The following SLIT2 variants were observed in gnomAD, a reference collection of about 807,000 sequenced individuals.
The protein encoded by SLIT2 is slit guidance ligand 2.
In SLIT2, 41 loss-of-function variants were observed where a neutral mutation model predicts 185.7. The observed-to-expected ratio is 0.22, with a 90% CI of 0.17 to 0.29. The LOEUF (loss-of-function observed/expected upper bound fraction) is 0.29, where lower values mean the gene tolerates loss of function less well. Ranked by LOEUF, SLIT2 falls within the 10% of genes least tolerant of loss-of-function variation. SLIT2 has a pLI of 1.00. For synonymous variants in SLIT2, 693 were observed against 680.2 expected, an observed-to-expected ratio of 1.02 and a Z score of -0.29; for missense variants, 1,571 against 1,909.0, an observed-to-expected ratio of 0.82 and a Z score of 3.30.
intron 4 of SLIT2, among the ~76,000 whole-genome samples, chr4:20,288,318 T>A (rs1577373226): frequency 6.6e-6 from 1 of 152,198 alleles, no homozygotes; most frequent in African/African-American, 2.4e-5. Context: ...CTTACCTCAT[T>A]GGCTTGTTGT....
intron 4 of SLIT2, among the ~76,000 whole-genome samples, chr4:20,455,826 T>C (rs1372993479): frequency 6.6e-6 from 1 of 152,146 alleles, no homozygotes; most frequent in Non-Finnish European, 1.5e-5. Flanking sequence ...GATAAAGTCA[T>C]TTGCAATATT....
chr4:20,439,791 T>C (rs1577661916), intron 4 of SLIT2, among the ~76,000 whole-genome samples: 1 of 152,284 alleles, frequency 6.6e-6, no homozygotes, highest in East Asian at 1.9e-4. Context: ...AAAGATTTAG[T>C]AATATGTATT....
chr4:20,358,615 A>G (rs1294548387), intron 4 of SLIT2, among the ~76,000 whole-genome samples: 1 of 152,152 alleles, frequency 6.6e-6, no homozygotes, highest in Admixed American at 6.6e-5. Flanking sequence ...ACTTAATCCG[A>G]GGAACCACCC....
At position 20,528,605 on chromosome 4, in the gene SLIT2, A is replaced by G. The variant is rs541791466; in HGVS notation, c.1463-344A>G. On this transcript the variant is annotated intron_variant, in intron 15 of 36. Transcript: ENST00000504154. The surrounding 1 kb of genome is among the most constrained non-coding windows in gnomAD (Gnocchi z 4.2). ...ATGTTTATTACTGGATATATTTTCA[A>G]TTCTTGACTCCGAGAAAAAAAATAA... 1.2e-4 allele frequency among the ~76,000 whole-genome samples: 18 copies of G among 152,304 alleles called. No individual in the cohort carries two copies. The South Asian group carries it at 3.5e-3, about 30-fold the overall frequency.
At chr4:20,421,623 G>A (rs1175367362) in intron 4 of SLIT2, among the ~76,000 whole-genome samples, 5 of 151,938 alleles carry the variant, frequency 3.3e-5, no homozygotes, top group African/African-American at 7.3e-5. Context: ...TGGAAGTATC[G>A]ATATTCCCTT....
At chr4:20,256,469 AT>A (rs1395584511) in intron 1 of SLIT2, among the ~76,000 whole-genome samples, 1 of 152,236 alleles carries the variant, frequency 6.6e-6, no homozygotes, top group Non-Finnish European at 1.5e-5. Flanking sequence ...TTCTTGTCAT[AT>A]GCCAGCAAGA....
At chr4:20,490,961 C>A in intron 8 of SLIT2, 2 of 626,266 alleles carry the variant, frequency 3.2e-6, no homozygotes, top group South Asian at 1.9e-5. Context: ...AAAGGGCAGT[C>A]CCCACTGTCT....
rs531423514 is a variant in SLIT2 at position 20,269,143 on chromosome 4, G to T, written c.395+262G>T. On this transcript the variant is annotated intron_variant, in intron 4 of 36. Transcript: ENST00000504154. ...TTTTTTGGTAACGTGATGATGGCGA[G>T]ATTTACCTACCTTTTAATGGAAATG... Among the ~76,000 whole-genome samples the T allele has an allele frequency of 2.0e-5, 3 of 151,870 alleles. No homozygotes were observed. In the East Asian group the frequency reaches 5.8e-4, roughly 29 times the overall value.
chr4:20,440,478 G>T (rs1193784365), intron 4 of SLIT2, among the ~76,000 whole-genome samples: 1 of 152,110 alleles, frequency 6.6e-6, no homozygotes, highest in Non-Finnish European at 1.5e-5. Flanking sequence ...GACTGCTGCA[G>T]GTCTGTAAAT....
chr4:20,420,496 T>C (rs992648540), intron 4 of SLIT2, among the ~76,000 whole-genome samples: 2 of 152,168 alleles, frequency 1.3e-5, no homozygotes, highest in African/African-American at 4.8e-5. Flanking sequence ...TTTTATTTAT[T>C]TAACCAATAT....
intron 4 of SLIT2, 91 bp from the exon 5 acceptor site, chr4:20,467,661 C>T: frequency 3.0e-6 from 2 of 677,914 alleles, no homozygotes; most frequent in South Asian, 2.3e-5. Flanking sequence ...TTTTTTCTTT[C>T]TGGTGTCCTA....
intron 4 of SLIT2, among the ~76,000 whole-genome samples, chr4:20,423,681 A>G (rs2109473108): frequency 6.6e-6 from 1 of 152,262 alleles, no homozygotes; most frequent in Admixed American, 6.5e-5. Flanking sequence ...TAAGGGTCAG[A>G]CAGTAAACAT....
At chr4:20,304,885 A>G (rs1384445231) in intron 4 of SLIT2, among the ~76,000 whole-genome samples, 2 of 152,224 alleles carry the variant, frequency 1.3e-5, no homozygotes, top group Non-Finnish European at 2.9e-5. Flanking sequence ...GTCTGTTAAC[A>G]TAGCAAAGTA....
intron 29 of SLIT2, among the ~76,000 whole-genome samples, chr4:20,578,180 T>C (rs1726228777): frequency 6.6e-6 from 1 of 152,206 alleles, no homozygotes; most frequent in Non-Finnish European, 1.5e-5. Context: ...AAGTGCTATC[T>C]TTCCTATTTT....
intron 29 of SLIT2, among the ~76,000 whole-genome samples, chr4:20,585,747 C>T (rs1727004637): frequency 6.6e-6 from 1 of 152,168 alleles, no homozygotes; most frequent in Admixed American, 6.5e-5. Context: ...TTTATCATCT[C>T]TGAAAGGGAG....
chr4:20,399,705 C>T lies in SLIT2; in HGVS notation c.396-68047C>T, dbSNP rs182660703. On this transcript the variant is annotated intron_variant, in intron 4 of 36. Coordinates refer to ENST00000504154, the MANE Select transcript of SLIT2 (RefSeq NM_004787.4). ...TCTGGTAGGTAAGAGTTATATCAAACAATTAATTGCTACAAGGAAAAAGTT... is the reference window on the plus strand; with the variant it reads ...TCTGGTAGGTAAGAGTTATATCAAATAATTAATTGCTACAAGGAAAAAGTT... Among the ~76,000 whole-genome samples, 31 of 151,824 alleles carry T rather than the reference C, an allele frequency of 2.0e-4. 1 individual carries two copies. Among genetic ancestry groups the T allele is most frequent in the Admixed American group, 1.8e-3 (27 of 15,184 alleles).
intron 29 of SLIT2, among the ~76,000 whole-genome samples, chr4:20,579,192 C>G (rs1285593665): frequency 1.3e-5 from 2 of 151,294 alleles, no homozygotes; most frequent in Non-Finnish European, 1.5e-5. Context: ...CCCAGCTACT[C>G]AGGAGGCTGA....
chr4:20,277,921 G>A (rs1241941348), intron 4 of SLIT2, among the ~76,000 whole-genome samples: 4 of 151,750 alleles, frequency 2.6e-5, no homozygotes, highest in African/African-American at 9.7e-5. Context: ...AAAAAGGAAT[G>A]GTCTTGAGGC....
intron 4 of SLIT2, among the ~76,000 whole-genome samples, chr4:20,343,562 C>G (rs941973208): frequency 2.0e-5 from 3 of 151,930 alleles, no homozygotes; most frequent in African/African-American, 7.3e-5. Context: ...AGGGCACCGA[C>G]AGCATCACGG....
Sources: allele counts gnomAD v4.1 joint callset (sites outside exome capture counted in the v4.1 genomes callset), GRCh38; gene constraint gnomAD v4.1.1; non-coding constraint Gnocchi (gnomAD v3.1); transcripts MANE v1.5; gene names NCBI Gene and HGNC (gene_info 2026-07-23, HGNC 2026-07-21).